The following SMYD3 variants were observed in gnomAD, a reference collection of about 807,000 sequenced individuals.
SMYD3 encodes histone-lysine N-methyltransferase SMYD3.
In SMYD3, 36 loss-of-function variants were observed where a neutral mutation model predicts 57.7. The observed-to-expected ratio is 0.62, with a 90% CI of 0.48 to 0.82. The LOEUF is 0.82. Among genes scored for constraint, SMYD3 ranks in the 40% least tolerant of loss-of-function variants. The pLI is 0.00. For missense variants in SMYD3, 515 were observed against 538.8 expected, an observed-to-expected ratio of 0.96 and a Z score of 0.44; for synonymous variants, 211 against 195.0, an observed-to-expected ratio of 1.08 and a Z score of -0.68.
intron 5 of SMYD3, among the ~76,000 whole-genome samples, chr1:246,243,306 G>T (rs1247372524): frequency 2.1e-5 from 3 of 144,188 alleles, no homozygotes; most frequent in Non-Finnish European, 4.5e-5. Context: ...TTCCCTCTAG[G>T]GGAATATGTT....
chr1:246,263,597 AAC>A (rs1427280887), intron 5 of SMYD3, among the ~76,000 whole-genome samples: 2 of 152,212 alleles, frequency 1.3e-5, no homozygotes, highest in Non-Finnish European at 2.9e-5. Flanking sequence ...GCCTCCTTAA[AAC>A]ACAAACATAC....
chr1:246,501,313 C>T (rs1470534666), intron 1 of SMYD3, among the ~76,000 whole-genome samples: 1 of 152,164 alleles, frequency 6.6e-6, no homozygotes, highest in Non-Finnish European at 1.5e-5. Context: ...GAGAATTCTG[C>T]CTTTGCTGAA....
chr1:246,327,414 C>T (rs1334735467), intron 4 of SMYD3, 77 bp from the exon 5 acceptor site: 2 of 1,263,680 alleles, frequency 1.6e-6, no homozygotes, highest in Non-Finnish European at 2.2e-6. Context: ...TCAATGCTGG[C>T]TGTTAAACCA....
Position 246,157,652 on chromosome 1 carries a change from TCC to T in SMYD3, c.531+169547_531+169548del, listed in dbSNP as rs397729230. 1.6e-3 allele frequency among the ~76,000 whole-genome samples: 244 copies of T among 151,070 alleles called. 1 individual carries two copies. The highest frequency in any genetic ancestry group is 5.5e-3 in the African/African-American group (226 of 41,116). On this transcript the variant is annotated intron_variant, in intron 5 of 11. Transcript: ENST00000490107. ...CCACAACAATAAGCTTTGTCTTTTT[TCC>T]CCCCCATAGGTCAGCTTCCTTCTTT...
chr1:246,430,754 A>C lies in SMYD3; in HGVS notation c.165-75660T>G, dbSNP rs146180276. On this transcript the variant is annotated intron_variant, in intron 1 of 11. Transcript: ENST00000490107. ...AGATGATAACTGAAGTTATGAAATAAATGACATTTTCTTAGGAGGATCTGA... is the reference window on the plus strand; with the variant it reads ...AGATGATAACTGAAGTTATGAAATACATGACATTTTCTTAGGAGGATCTGA... Among the ~76,000 whole-genome samples, 48 of 152,318 alleles carry C rather than the reference A, an allele frequency of 3.2e-4. No homozygotes were observed. In the East Asian group the frequency reaches 7.3e-3, roughly 23 times the overall value.
chr1:246,281,337 G>T (rs1279706735), intron 5 of SMYD3, among the ~76,000 whole-genome samples: 1 of 152,200 alleles, frequency 6.6e-6, no homozygotes, highest in Non-Finnish European at 1.5e-5. Context: ...TATAATGGCT[G>T]CCATTGATTG....
At chr1:245,872,069 G>A (rs1404056583) in intron 8 of SMYD3, among the ~76,000 whole-genome samples, 1 of 152,154 alleles carries the variant, frequency 6.6e-6, no homozygotes. Context: ...ACATCCACAG[G>A]CACAATCCCT....
At chr1:246,341,330 A>G (rs2065630697) in intron 2 of SMYD3, among the ~76,000 whole-genome samples, 1 of 152,214 alleles carries the variant, frequency 6.6e-6, no homozygotes, top group Non-Finnish European at 1.5e-5. Context: ...ATGTTAAAAA[A>G]TGCTTCAGTG....
chr1:246,386,780 A>G (rs898889780), intron 1 of SMYD3, among the ~76,000 whole-genome samples: 1 of 152,090 alleles, frequency 6.6e-6, no homozygotes, highest in African/African-American at 2.4e-5. Flanking sequence ...GGTGGGAGAA[A>G]TTGACCACTT....
chr1:246,401,727 C>CT (rs11320119), intron 1 of SMYD3, among the ~76,000 whole-genome samples: 4 of 132,230 alleles, frequency 3.0e-5, no homozygotes, highest in Admixed American at 7.4e-5. Flanking sequence ...AATTCAGGTG[C>CT]TTTTTTTTTT....
chr1:245,866,031 C>T (rs1345641591), intron 8 of SMYD3, among the ~76,000 whole-genome samples: 2 of 152,156 alleles, frequency 1.3e-5, no homozygotes, highest in African/African-American at 2.4e-5. Flanking sequence ...CATTTTCATA[C>T]TCTAGACATC....
chr1:246,362,210 A>G (rs575487928), intron 1 of SMYD3, among the ~76,000 whole-genome samples: 14 of 152,332 alleles, frequency 9.2e-5, no homozygotes, highest in African/African-American at 3.4e-4. Flanking sequence ...AAAGTATTTT[A>G]TACCCTTCAA....
At chr1:246,250,935 GGCAATTTGTTTCAGAT>G (rs924577409) in intron 5 of SMYD3, among the ~76,000 whole-genome samples, 3 of 152,114 alleles carry the variant, frequency 2.0e-5, no homozygotes, top group Admixed American at 6.5e-5. Context: ...GCATAAGTTT[GGCAATTTGTTTCAGAT>G]GCTATTTTTT....
chr1:246,396,711 C>T (rs1343489144), intron 1 of SMYD3, among the ~76,000 whole-genome samples: 3 of 152,192 alleles, frequency 2.0e-5, no homozygotes, highest in Non-Finnish European at 2.9e-5. Context: ...GTTCTTGTGA[C>T]AGTACGTTCT....
intron 5 of SMYD3, among the ~76,000 whole-genome samples, chr1:246,275,323 C>T (rs960661400): frequency 3.9e-5 from 6 of 152,244 alleles, no homozygotes; most frequent in African/African-American, 1.2e-4. Flanking sequence ...TGGCCAACAA[C>T]AAAGATATGG....
intron 5 of SMYD3, among the ~76,000 whole-genome samples, chr1:246,016,913 G>C (rs1309888114): frequency 6.6e-6 from 1 of 152,032 alleles, no homozygotes; most frequent in African/African-American, 2.4e-5. Flanking sequence ...AGAATGATGG[G>C]AGAAGGGGCT....
intron 5 of SMYD3, among the ~76,000 whole-genome samples, chr1:246,206,501 C>A (rs1166369002): frequency 5.3e-5 from 8 of 151,832 alleles, no homozygotes; most frequent in African/African-American, 1.7e-4. Context: ...AAAAGCCACA[C>A]AAAAATGACA....
At chr1:246,022,106 G>A (rs1167542678) in intron 5 of SMYD3, among the ~76,000 whole-genome samples, 3 of 152,206 alleles carry the variant, frequency 2.0e-5, no homozygotes, top group African/African-American at 7.2e-5. Context: ...TAAATCAAAT[G>A]ACGAGAGAAC....
intron 5 of SMYD3, among the ~76,000 whole-genome samples, chr1:246,064,261 C>T (rs573807517): frequency 6.6e-5 from 10 of 152,280 alleles, no homozygotes; most frequent in Non-Finnish European, 8.8e-5. Flanking sequence ...CTCAACCTCC[C>T]GAGCATAGTG....
Sources: gnomAD v4.1 joint callset for allele counts (sites outside exome capture counted in the v4.1 genomes callset) on GRCh38, gnomAD v4.1.1 for gene constraint, MANE v1.5 for transcripts, NCBI Gene and HGNC (gene_info 2026-07-23, HGNC 2026-07-21) for gene names.